ATP8A2: variants seen among roughly 807,000 people sequenced by gnomAD.
The protein encoded by ATP8A2 is phospholipid-transporting ATPase IB.
ATP8A2 carries 100 observed loss-of-function variants against 165.6 expected under a neutral mutation model. The observed-to-expected ratio is 0.60, with a 90% CI of 0.51 to 0.71. ATP8A2 has a LOEUF of 0.71. ATP8A2 is among the 30% of genes least tolerant of loss of function. The probability of loss-of-function intolerance (pLI) is 0.00; values close to 1 mark genes in which losing one functional copy is unlikely to be tolerated. For synonymous variants in ATP8A2, 543 were observed against 548.8 expected (o/e 0.99, Z 0.15); for missense variants, 1,227 against 1,479.5 (o/e 0.83, Z 2.80).
intron 25 of ATP8A2, among the ~76,000 whole-genome samples, chr13:25,705,616 C>T (rs759634867): frequency 7.9e-5 from 12 of 152,122 alleles, no homozygotes; most frequent in Admixed American, 4.6e-4. Context: ...GCCGAGTGGA[C>T]GCACTGAATG....
intron 2 of ATP8A2, among the ~76,000 whole-genome samples, chr13:25,490,902 TGACTAATTAAA>T (rs1405040462): frequency 6.6e-6 from 1 of 151,842 alleles, no homozygotes; most frequent in East Asian, 1.9e-4. Flanking sequence ...TCACCATGCG[TGACTAATTAAA>T]GAAAAAATTT....
chr13:25,828,913 T>C (rs1259491860), intron 28 of ATP8A2, among the ~76,000 whole-genome samples: 1 of 152,200 alleles, frequency 6.6e-6, no homozygotes, highest in East Asian at 1.9e-4. Context: ...GGCCCATTTT[T>C]TGAGTTGTTC....
chr13:25,490,736 TGTTTG>T (rs773495214), intron 2 of ATP8A2, among the ~76,000 whole-genome samples: 17 of 130,166 alleles, frequency 1.3e-4, no homozygotes, highest in African/African-American at 3.8e-4. Flanking sequence ...GTTTTTTTTT[TGTTTG>T]TTTGTTTGTT....
At chr13:25,491,201 C>G (rs1275191121) in intron 2 of ATP8A2, among the ~76,000 whole-genome samples, 1 of 151,772 alleles carries the variant, frequency 6.6e-6, no homozygotes, top group African/African-American at 2.4e-5. Context: ...CGATTATATT[C>G]TACGTGGAAA....
chr13:25,904,836 C>G (rs955414992), intron 33 of ATP8A2, among the ~76,000 whole-genome samples: 3 of 152,224 alleles, frequency 2.0e-5, no homozygotes, highest in African/African-American at 7.2e-5. Flanking sequence ...GATTTATCCT[C>G]AACATTCAGC....
chr13:25,617,507 G>A (rs61947475), intron 24 of ATP8A2, among the ~76,000 whole-genome samples: 5,811 of 152,256 alleles, frequency 0.038, 134 homozygotes, highest in Non-Finnish European at 0.052. Flanking sequence ...AGTAGAAAAT[G>A]ATTTGAAGAG....
Position 25,857,208 on chromosome 13 carries a change from T to C in ATP8A2, c.2957-2987T>C, listed in dbSNP as rs76051014. ...TCAAGTGCTGTCTGCATTCAGACTC[T>C]GCACAGTTTCTCTCCTCTGTCTGGA... On this transcript the variant is annotated intron_variant, in intron 30 of 36. Transcript: ENST00000381655. Among the ~76,000 whole-genome samples the C allele has an allele frequency of 4.2e-3, 634 of 152,310 alleles. 5 individuals carry two copies. Among genetic ancestry groups the C allele is most frequent in the African/African-American group, 0.014 (586 of 41,568 alleles).
chr13:25,640,530 T>C (rs1312708387), intron 24 of ATP8A2, among the ~76,000 whole-genome samples: 1 of 152,114 alleles, frequency 6.6e-6, no homozygotes, highest in Non-Finnish European at 1.5e-5. Flanking sequence ...CCTCGACACA[T>C]ACACCCTCCC....
At chr13:25,417,636 G>A (rs879907479) in intron 1 of ATP8A2, among the ~76,000 whole-genome samples, 30 of 152,174 alleles carry the variant, frequency 2.0e-4, no homozygotes, top group Non-Finnish European at 4.4e-5. Flanking sequence ...ACTTCGGTGC[G>A]TAGGACTGGA....
intron 33 of ATP8A2, among the ~76,000 whole-genome samples, chr13:25,879,443 C>T (rs977033487): frequency 6.6e-6 from 1 of 152,222 alleles, no homozygotes; most frequent in African/African-American, 2.4e-5. Flanking sequence ...AATGCATAGA[C>T]AGTTATCATG....
chr13:25,570,377 A>T (rs951560227), intron 16 of ATP8A2, among the ~76,000 whole-genome samples: 1 of 152,088 alleles, frequency 6.6e-6, no homozygotes, highest in African/African-American at 2.4e-5. Flanking sequence ...GCAGAGGGGC[A>T]AGTGGAAGCA....
At chr13:25,399,626 T>C (rs1297383022) in intron 1 of ATP8A2, among the ~76,000 whole-genome samples, 1 of 140,504 alleles carries the variant, frequency 7.1e-6, no homozygotes, top group Non-Finnish European at 1.5e-5. Context: ...ATGGTCTCGA[T>C]CTCCTGACCT....
rs537227846 is a variant in ATP8A2, at chr13:25,934,447, A to T, written c.3184-27128A>T. ...GCACAGTGGCAGGAACACGCTCTGC[A>T]GGGTCTGCAGCCTTGATTCCAATGG... On this transcript the variant is annotated intron_variant, in intron 33 of 36. Coordinates refer to ENST00000381655, the MANE Select transcript of ATP8A2 (RefSeq NM_016529.6). 2.6e-5 allele frequency among the ~76,000 whole-genome samples: 4 copies of T among 152,372 alleles called. No homozygotes were observed. In the East Asian group the frequency reaches 7.7e-4, roughly 29 times the overall value.
intron 24 of ATP8A2, among the ~76,000 whole-genome samples, chr13:25,606,532 T>C (rs190504561): frequency 6.6e-6 from 1 of 152,322 alleles, no homozygotes; most frequent in African/African-American, 2.4e-5. Context: ...TCCAGCTGAA[T>C]GGTCTAGTTC....
Position 25,798,821 on chromosome 13 carries a change from A to T in ATP8A2, c.2679+23862A>T, listed in dbSNP as rs537266257. 3.3e-5 allele frequency among the ~76,000 whole-genome samples: 5 copies of T among 152,220 alleles called. No individual in the cohort carries two copies. In the South Asian group the frequency reaches 1.0e-3, roughly 32 times the overall value. Reference sequence around the variant, plus strand: ...CAGTTAAATGATGCAGGGGAGGCAAAGCTTTACCTCTATCCTCTTAGGGTC... The same window carrying T: ...CAGTTAAATGATGCAGGGGAGGCAATGCTTTACCTCTATCCTCTTAGGGTC... On this transcript the variant is annotated intron_variant, in intron 27 of 36. Transcript: ENST00000381655.
chr13:25,502,425 A>G (rs187828768), intron 2 of ATP8A2, among the ~76,000 whole-genome samples: 132 of 152,342 alleles, frequency 8.7e-4, no homozygotes, highest in Admixed American at 2.0e-3. Flanking sequence ...GAATGCTGCC[A>G]GTGGGCGTGT....
intron 30 of ATP8A2, among the ~76,000 whole-genome samples, chr13:25,857,730 C>T (rs1402299474): frequency 6.6e-6 from 1 of 151,806 alleles, no homozygotes; most frequent in Admixed American, 6.6e-5. Context: ...GCCATCATGC[C>T]CAGTTAATTT....
At chr13:25,562,669 T>C (rs2039192408) in intron 15 of ATP8A2, among the ~76,000 whole-genome samples, 1 of 152,008 alleles carries the variant, frequency 6.6e-6, no homozygotes, top group Non-Finnish European at 1.5e-5. Context: ...CCAGTGATTG[T>C]ACCTTTCAGC....
At chr13:25,810,327 TC>T (rs1950836625) in intron 27 of ATP8A2, among the ~76,000 whole-genome samples, 1 of 152,200 alleles carries the variant, frequency 6.6e-6, no homozygotes, top group Non-Finnish European at 1.5e-5. Flanking sequence ...TGCAGCCAGC[TC>T]CTGGCCACAT....
Sources: allele counts gnomAD v4.1 joint callset (sites outside exome capture counted in the v4.1 genomes callset), GRCh38; gene constraint gnomAD v4.1.1; transcripts MANE v1.5; gene names NCBI Gene and HGNC (gene_info 2026-07-23, HGNC 2026-07-21).